PIGQ: variants seen among roughly 807,000 people sequenced by gnomAD.
The protein encoded by PIGQ is phosphatidylinositol glycan anchor biosynthesis class Q.
In PIGQ, 54 loss-of-function variants were observed where a neutral mutation model predicts 60.3. The ratio of observed to expected loss-of-function variants is 0.90; its 90% CI spans 0.72 to 1.12. The LOEUF is 1.12. PIGQ is among the 50% of genes most tolerant of loss of function. The pLI, the probability that PIGQ is intolerant of heterozygous loss-of-function variation, is 0.00. For missense variants in PIGQ, 799 were observed against 793.5 expected (o/e 1.01, Z -0.08); for synonymous variants, 416 against 363.7 (o/e 1.14, Z -1.64).
At position 583,277 on chromosome 16, in the gene PIGQ, T is replaced by C. The variant is rs201466756; in HGVS notation, c.*242T>C. 2 of 1,612,840 alleles carry C rather than the reference T, an allele frequency of 1.2e-6. No individual in the cohort carries two copies. Among genetic ancestry groups the C allele is most frequent in the African/African-American group, 2.7e-5 (2 of 75,006 alleles). On this transcript the variant is annotated 3_prime_UTR_variant, in exon 11 of 11. Coordinates refer to ENST00000321878, the MANE Select transcript of PIGQ (RefSeq NM_004204.5). The stretch of plus-strand genomic sequence containing the variant: ...GGCACTGCCTGCCTTGGGACCCGCT[T>C]CCCACCTGCTGCGGTCACCATGGTG...
chr16:572,565 A>G lies in PIGQ; in HGVS notation c.-9-1501A>G, dbSNP rs12917944. ...CATCCTGCTCTGTTCCCTCGTCCCT[A>G]AGGATGTGGTGGGCTCTGAGACCTC... is the stretch of plus-strand genomic sequence containing the variant. On this transcript the variant is annotated intron_variant, in intron 1 of 10. Coordinates refer to ENST00000321878, the MANE Select transcript of PIGQ (RefSeq NM_004204.5). 215,765 of 455,356 alleles carry G rather than the reference A, an allele frequency of 0.47. 53,024 individuals carry two copies. The highest frequency in any genetic ancestry group is 0.62 in the East Asian group (8,938 of 14,330). The allele number at this position is 455,356 out of a possible 1,614,324, so 28.2% of individuals were successfully genotyped here.
intron 1 of PIGQ, among the ~76,000 whole-genome samples, chr16:573,703 A>C (rs571679997): frequency 6.6e-6 from 1 of 152,282 alleles, no homozygotes; most frequent in African/African-American, 2.4e-5. Context: ...AAAACTAAGA[A>C]GCCTGGAGTT....
intron 2 of PIGQ, among the ~76,000 whole-genome samples, chr16:574,993 G>A (rs1186274558): frequency 3.9e-5 from 6 of 152,238 alleles, no homozygotes; most frequent in Non-Finnish European, 7.4e-5. Flanking sequence ...CTCAGGGATT[G>A]CCAGGGGCCC....
At chr16:580,145 G>A (rs929599412) in intron 7 of PIGQ, 38 bp from the exon 8 acceptor site, 1 of 1,554,872 alleles carries the variant, frequency 6.4e-7, no homozygotes, top group Non-Finnish European at 8.8e-7. Context: ...TGGGCGCGGG[G>A]TCCTGCTGAT....
rs2035701333 is a variant in PIGQ at position 575,448 on chromosome 16, A to G, written c.690-391A>G. Among the ~76,000 whole-genome samples the G allele has an allele frequency of 2.0e-5, 3 of 151,940 alleles. No homozygotes were observed. The South Asian group carries it at 6.2e-4, about 32-fold the overall frequency. On this transcript the variant is annotated intron_variant, in intron 2 of 10. Coordinates refer to ENST00000321878, the MANE Select transcript of PIGQ (RefSeq NM_004204.5). ...CCCTGCCTTAGACCCGGGGGTGCATACTCTGGAAGCCTGGGGTGAGAAGCT... is the reference window on the plus strand; with the variant it reads ...CCCTGCCTTAGACCCGGGGGTGCATGCTCTGGAAGCCTGGGGTGAGAAGCT...
chr16:581,780 T>TTTA, intron 9 of PIGQ: 1 of 138,362 alleles, frequency 7.2e-6, no homozygotes, highest in Non-Finnish European at 1.5e-5. Context: ...TTTTTTTTTT[T>TTTA]GAGATGGAGT....
At chr16:571,075 G>T (rs1282108210) in intron 1 of PIGQ, among the ~76,000 whole-genome samples, 1 of 13,342 alleles carries the variant, frequency 7.5e-5, no homozygotes, top group African/African-American at 3.1e-4. Flanking sequence ...GTGTGTGTGT[G>T]TGTGTGTGTG....
intron 10 of PIGQ, 75 bp from the exon 11 acceptor site, chr16:582,808 C>T (rs1596388332): frequency 6.8e-7 from 1 of 1,460,046 alleles, no homozygotes. Context: ...CTCACAACTG[C>T]CCGCCCCCAC....
rs2035641173 is a variant in PIGQ, at chr16:572,169, G to T, written c.-9-1897G>T. On this transcript the variant is annotated intron_variant, in intron 1 of 10. Coordinates refer to ENST00000321878, the MANE Select transcript of PIGQ (RefSeq NM_004204.5). Reference sequence around the variant, plus strand: ...GTGTGAAAGGTGGGCTGTACTGGGTGGTCCCCTATGGTGGTCACACAGCCA... The same window carrying T: ...GTGTGAAAGGTGGGCTGTACTGGGTTGTCCCCTATGGTGGTCACACAGCCA... 3.9e-5 allele frequency among the ~76,000 whole-genome samples: 6 copies of T among 152,314 alleles called. No individual in the cohort carries two copies. The South Asian group carries it at 1.2e-3, about 32-fold the overall frequency.
Position 570,013 on chromosome 16 carries a change from C to G in PIGQ, c.-93C>G, listed in dbSNP as rs919241091. On this transcript the variant is annotated 5_prime_UTR_variant, in exon 1 of 11. Transcript: ENST00000321878. ...GCGGCGGGGCTGGAGGCAGCGAGCG[C>G]CGTCGTCTGCCCGGGCCCGCCCATC... 1 of 149,540 alleles carries G rather than the reference C, an allele frequency of 6.7e-6. No individual in the cohort carries two copies. Among genetic ancestry groups the G allele is most frequent in the African/African-American group, 2.4e-5 (1 of 41,256 alleles). 9.3% of individuals were successfully genotyped at this position (149,540 alleles called of 1,614,324 possible).
Position 578,407 on chromosome 16 carries a change from T to C in PIGQ, c.971T>C (p.Leu324Pro). The C allele has an allele frequency of 1.2e-6, 2 of 1,611,938 alleles. No homozygotes were observed. Among genetic ancestry groups the C allele is most frequent in the Non-Finnish European group, 1.7e-6 (2 of 1,179,764 alleles). ...GTGGCCGAGGAGCTCCAGCATCTGC[T>C]GCAGTGGCTGATGGGTGCTCCCGCC... Reference protein sequence around the residue: ...DHVAEELQHLLQWLMGAPAGL... With the variant: ...DHVAEELQHLPQWLMGAPAGL... The change falls in exon 5 of 11, where the codon CTG becomes CCG. Residue 324 changes from leucine (L) to proline (P), a missense_variant. Transcript: ENST00000321878.
At chr16:580,768 G>GC in intron 8 of PIGQ, 90 bp from the exon 9 acceptor site, 1 of 752,040 alleles carries the variant, frequency 1.3e-6, no homozygotes, top group Non-Finnish European at 2.4e-6. Context: ...CAGCCTCTGG[G>GC]CCCCCTTCAT....
chr16:583,617 G>A lies in PIGQ; in HGVS notation c.*582G>A, dbSNP rs895841268. ...CGGGGTTTATTTGCGGATGTTCCCT[G>A]GAGAGGTCGCTTTGTGAAGAAACCA... On this transcript the variant is annotated 3_prime_UTR_variant, in exon 11 of 11. Transcript: ENST00000321878. The A allele has an allele frequency of 3.1e-6, 5 of 1,612,662 alleles. No individual in the cohort carries two copies. The highest frequency in any genetic ancestry group is 3.3e-5 in the Admixed American group (2 of 60,002).
In PIGQ at chr16:578,802, T is replaced by TC; in HGVS notation, c.1092dup (p.Phe365LeufsTer78). ...CCTGCCAGGCTACATCCACCTCATG[T>TC]CCCCCTTCGTGGAGCACATCCTTTG... On this transcript the variant is annotated frameshift_variant, in exon 6 of 11. Coordinates refer to ENST00000321878, the MANE Select transcript of PIGQ (RefSeq NM_004204.5). LOFTEE classifies it high-confidence loss of function. The TC allele has an allele frequency of 6.2e-7, 1 of 1,613,606 alleles. No homozygotes were observed. Among genetic ancestry groups the TC allele is most frequent in the Non-Finnish European group, 8.5e-7 (1 of 1,179,878 alleles).
chr16:577,526 G>A (rs1305955157), intron 4 of PIGQ, among the ~76,000 whole-genome samples: 4 of 147,940 alleles, frequency 2.7e-5, no homozygotes, highest in Admixed American at 1.3e-4. Flanking sequence ...GCAGTGAGCC[G>A]AGATCTCACC....
At chr16:581,284 A>C in intron 9 of PIGQ, 1 of 1,336,830 alleles carries the variant, frequency 7.5e-7, no homozygotes, top group Non-Finnish European at 9.8e-7. Context: ...ACTGCAGGCC[A>C]GGGGCCAAGC....
rs1018037476 is a variant in PIGQ at position 580,350 on chromosome 16, C to T, written c.1416+87C>T. The T allele has an allele frequency of 2.0e-5, 22 of 1,084,516 alleles. No individual in the cohort carries two copies. In the African/African-American group the frequency reaches 3.0e-4, roughly 15 times the overall value. 67.2% of individuals were successfully genotyped at this position (1,084,516 alleles called of 1,614,324 possible). A position where few individuals can be genotyped will look rare whatever the true frequency, so the allele number is the denominator to read the frequency against. On this transcript the variant is annotated intron_variant, in intron 8 of 10. Coordinates refer to ENST00000321878, the MANE Select transcript of PIGQ (RefSeq NM_004204.5). ...TGCCTGGGAGCAGTCAGCTGTGGGG[C>T]GGGCTGTCTCCTGCTGCAGGCCACG...
At chr16:581,752 G>A (rs4580163) in intron 9 of PIGQ, 54,216 of 151,440 alleles carry the variant, frequency 0.36, 10,956 homozygotes, top group East Asian at 0.58. Flanking sequence ...ACGAGCCACC[G>A]TGCCCGGCTT....
rs1293823653 is a variant in PIGQ at position 582,903 on chromosome 16, C to T, written c.1614C>T (p.Ser538=). The T allele has an allele frequency of 6.2e-7, 1 of 1,607,786 alleles. No homozygotes were observed. The highest frequency in any genetic ancestry group is 1.7e-5 in the Admixed American group (1 of 59,844). The change falls in exon 11 of 11, where the codon AGC becomes AGT. Residue 538 remains serine (S), a synonymous_variant. Coordinates refer to ENST00000321878, the MANE Select transcript of PIGQ (RefSeq NM_004204.5). Reference sequence around the variant, plus strand: ...TCCAGATAAACCCACTGCCCTACAGCCGCGTGGTGCACACCTACCGCCTCC... The same window carrying T: ...TCCAGATAAACCCACTGCCCTACAGTCGCGTGGTGCACACCTACCGCCTCC... ...LLMQINPLPY[S]RVVHTYRLPS...
Sources: gnomAD v4.1 joint callset for allele counts (sites outside exome capture counted in the v4.1 genomes callset) on GRCh38, gnomAD v4.1.1 for gene constraint, MANE v1.5 for transcripts, NCBI Gene and HGNC (gene_info 2026-07-23, HGNC 2026-07-21) for gene names.